The following CERS3 variants were observed in gnomAD, a reference collection of about 807,000 sequenced individuals.
CERS3 encodes ceramide synthase 3.
A neutral mutation model predicts 50.3 loss-of-function variants in CERS3; 33 were observed. The ratio of observed to expected loss-of-function variants is 0.66; its 90% CI spans 0.50 to 0.88. The LOEUF is 0.88. Among genes scored for constraint, CERS3 ranks in the 40% least tolerant of loss-of-function variants. The pLI, the probability that CERS3 is intolerant of heterozygous loss-of-function variation, is 0.00. For synonymous variants in CERS3, 176 were observed against 155.2 expected, an observed-to-expected ratio of 1.13 and a Z score of -0.99; for missense variants, 470 against 460.3, an observed-to-expected ratio of 1.02 and a Z score of -0.19.
chr15:100,442,849 C>T (rs1044861088), intron 11 of CERS3, among the ~76,000 whole-genome samples: 54 of 152,124 alleles, frequency 3.5e-4, no homozygotes, highest in African/African-American at 1.3e-3. Flanking sequence ...GTAAGCCCAT[C>T]CCCTTCTTAA....
rs1036120362 is a variant in CERS3, at chr15:100,542,870, C to T, written c.-355+1781G>A. Among the ~76,000 whole-genome samples the T allele has an allele frequency of 2.0e-4, 31 of 151,908 alleles. 1 individual carries two copies. The highest frequency in any genetic ancestry group is 4.4e-5 in the Non-Finnish European group (3 of 67,992). On this transcript the variant is annotated intron_variant, in intron 1 of 12. Coordinates refer to the CERS3 transcript ENST00000284382. Reference sequence around the variant, plus strand: ...TTTCATAAAATAATACTTATCTATGCTATCTGTTTGTGATAAACTCTGTTG... The same window carrying T: ...TTTCATAAAATAATACTTATCTATGTTATCTGTTTGTGATAAACTCTGTTG...
At chr15:100,420,504 C>G (rs909848134) in intron 11 of CERS3, among the ~76,000 whole-genome samples, 3 of 152,008 alleles carry the variant, frequency 2.0e-5, no homozygotes, top group South Asian at 2.1e-4. Flanking sequence ...ACCAGAGGTA[C>G]AAGGAGGAAC....
intron 11 of CERS3, among the ~76,000 whole-genome samples, chr15:100,439,929 C>T (rs2033604789): frequency 6.6e-6 from 1 of 152,208 alleles, no homozygotes; most frequent in Non-Finnish European, 1.5e-5. Context: ...GCTCCCCAAC[C>T]TGCTGGGTTT....
At position 100,402,463 on chromosome 15, in the gene CERS3, G is replaced by C; in HGVS notation, c.*250C>G. On this transcript the variant is annotated 3_prime_UTR_variant, in exon 12 of 12. Transcript: ENST00000679737. Reference sequence around the variant, plus strand: ...GAGGGAGTGCAATTAGAACTGAGACGGTTCTGTGGAGAAATCTTTGAAATC... The same window carrying C: ...GAGGGAGTGCAATTAGAACTGAGACCGTTCTGTGGAGAAATCTTTGAAATC... 2.1e-6 allele frequency: 1 copy of C among 479,024 alleles called. No homozygotes were observed. Among genetic ancestry groups the C allele is most frequent in the Non-Finnish European group, 3.7e-6 (1 of 269,036 alleles). The allele number at this position is 479,024 out of a possible 1,614,324, so 29.7% of individuals were successfully genotyped here. A position where few individuals can be genotyped will look rare whatever the true frequency, so the allele number is the denominator to read the frequency against.
chr15:100,491,381 G>A (rs1010988096), intron 3 of CERS3, among the ~76,000 whole-genome samples: 23 of 152,036 alleles, frequency 1.5e-4, no homozygotes, highest in South Asian at 2.1e-4. Context: ...TAGGATTGAC[G>A]GGTGGTAGGG....
intron 11 of CERS3, among the ~76,000 whole-genome samples, chr15:100,417,675 G>T (rs1258543812): frequency 6.6e-6 from 1 of 151,976 alleles, no homozygotes; most frequent in East Asian, 1.9e-4. Context: ...AGACTTAAAT[G>T]TCCCTGTCTG....
At chr15:100,430,297 G>A (rs1284578701) in intron 11 of CERS3, among the ~76,000 whole-genome samples, 5 of 151,190 alleles carry the variant, frequency 3.3e-5, no homozygotes, top group Non-Finnish European at 1.5e-5. Context: ...GGACGACAGA[G>A]CGAGACTCCG....
At chr15:100,494,210 C>CATATATATATAT (rs1170051830) in intron 3 of CERS3, among the ~76,000 whole-genome samples, 2 of 78,116 alleles carry the variant, frequency 2.6e-5, no homozygotes, top group Non-Finnish European at 2.3e-5. Context: ...TTTTTCTTTT[C>CATATATATATAT]ATATATATAT....
intron 2 of CERS3, among the ~76,000 whole-genome samples, chr15:100,502,867 C>A (rs1037862409): frequency 2.0e-5 from 3 of 151,880 alleles, no homozygotes; most frequent in Admixed American, 6.6e-5. Context: ...TGAGCCCAAC[C>A]AGGAAATATC....
chr15:100,504,118 G>T (rs1373684883), intron 2 of CERS3, among the ~76,000 whole-genome samples: 2 of 152,064 alleles, frequency 1.3e-5, no homozygotes, highest in Non-Finnish European at 2.9e-5. Flanking sequence ...TTGAACCCTG[G>T]TGAGATAATT....
chr15:100,472,095 T>C (rs1260097837), intron 9 of CERS3, among the ~76,000 whole-genome samples: 1 of 152,258 alleles, frequency 6.6e-6, no homozygotes, highest in East Asian at 1.9e-4. Flanking sequence ...ATTTAATTTC[T>C]TCCATAGCAA....
chr15:100,456,199 A>G (rs1330476142), intron 10 of CERS3, among the ~76,000 whole-genome samples, 153 bp from the exon 11 acceptor site: 1 of 152,238 alleles, frequency 6.6e-6, no homozygotes, highest in East Asian at 1.9e-4. Flanking sequence ...CGATAATATT[A>G]TCTTAAATAT....
At chr15:100,534,050 C>A (rs759084998) in intron 1 of CERS3, among the ~76,000 whole-genome samples, 56 of 152,214 alleles carry the variant, frequency 3.7e-4, no homozygotes, top group Non-Finnish European at 7.3e-5. Context: ...GCAGGCCAGA[C>A]CATGTCACCA....
chr15:100,444,510 C>T (rs902802118), intron 11 of CERS3, among the ~76,000 whole-genome samples: 3 of 151,428 alleles, frequency 2.0e-5, no homozygotes, highest in Non-Finnish European at 1.5e-5. Context: ...CAGGCGTAAT[C>T]GCCACACACC....
intron 10 of CERS3, among the ~76,000 whole-genome samples, chr15:100,468,543 T>TGA: frequency 6.6e-6 from 1 of 152,314 alleles, no homozygotes; most frequent in Admixed American, 6.5e-5. Context: ...GCCTGGAACT[T>TGA]GAGTCTCCAT....
intron 11 of CERS3, among the ~76,000 whole-genome samples, chr15:100,441,460 G>A (rs2033680135): frequency 6.6e-6 from 1 of 151,638 alleles, no homozygotes; most frequent in Admixed American, 6.6e-5. Flanking sequence ...TTTTCTGGAG[G>A]GTAAAAACAC....
intron 11 of CERS3, among the ~76,000 whole-genome samples, chr15:100,411,323 G>A (rs546455256): frequency 1.3e-5 from 2 of 151,932 alleles, no homozygotes; most frequent in African/African-American, 2.4e-5. Flanking sequence ...CACCATGCCC[G>A]GCTAATTTTT....
chr15:100,490,938 A>C lies in CERS3; in HGVS notation c.174-7T>G. 6.5e-7 allele frequency: 1 copy of C among 1,542,160 alleles called. No individual in the cohort carries two copies. The highest frequency in any genetic ancestry group is 8.9e-7 in the Non-Finnish European group (1 of 1,128,574). On this transcript the variant is annotated splice_region_variant and splice_polypyrimidine_tract_variant and intron_variant, in intron 3 of 11. Transcript: ENST00000679737. The stretch of plus-strand genomic sequence containing the variant: ...TAGAGGTGAAGCAACAAATCTACAA[A>C]AATATGAAAAGAAAAAAAGTTCAAA...
At chr15:100,447,772 T>C (rs1185009104) in intron 11 of CERS3, among the ~76,000 whole-genome samples, 2 of 152,238 alleles carry the variant, frequency 1.3e-5, no homozygotes, top group African/African-American at 2.4e-5. Context: ...ACATTCTGTA[T>C]GCTATAGTTA....
Sources: gnomAD v4.1 joint callset for allele counts (sites outside exome capture counted in the v4.1 genomes callset) on GRCh38, gnomAD v4.1.1 for gene constraint, MANE v1.5 for transcripts, NCBI Gene and HGNC (gene_info 2026-07-23, HGNC 2026-07-21) for gene names.